The following NKAIN3 variants were observed in gnomAD, a reference collection of about 807,000 sequenced individuals.
The protein encoded by NKAIN3 is sodium/potassium transporting ATPase interacting 3, also known as sodium/potassium-transporting ATPase subunit beta-1-interacting protein 3.
Under a neutral mutation model 30.2 loss-of-function variants are expected in NKAIN3, and 25 were observed. That is an observed-to-expected ratio of 0.83 (90% CI 0.60 to 1.16). The LOEUF is 1.16. NKAIN3 is among the 50% of genes most tolerant of loss of function. NKAIN3 has a pLI of 0.00. For missense variants in NKAIN3, 225 were observed against 254.1 expected, an observed-to-expected ratio of 0.89 and a Z score of 0.78; for synonymous variants, 91 against 89.6, an observed-to-expected ratio of 1.02 and a Z score of -0.09.
intron 4 of NKAIN3, among the ~76,000 whole-genome samples, chr8:62,778,431 A>C (rs568468104): frequency 2.0e-5 from 3 of 152,094 alleles, no homozygotes; most frequent in African/African-American, 7.2e-5. Flanking sequence ...AGTTCTTACC[A>C]TTCTTCTCTC....
intron 5 of NKAIN3, among the ~76,000 whole-genome samples, chr8:62,933,158 C>A (rs1368814340): frequency 6.6e-6 from 1 of 152,096 alleles, no homozygotes; most frequent in African/African-American, 2.4e-5. Flanking sequence ...ATTCAGTTTT[C>A]TTTGAACAGC....
intron 1 of NKAIN3, among the ~76,000 whole-genome samples, chr8:62,316,060 C>T (rs1814614164): frequency 6.6e-6 from 1 of 152,074 alleles, no homozygotes; most frequent in Non-Finnish European, 1.5e-5. Context: ...GACTTTTCCC[C>T]CTTTTTCTGC....
chr8:62,686,718 T>G (rs1813810646), intron 3 of NKAIN3, among the ~76,000 whole-genome samples: 1 of 152,212 alleles, frequency 6.6e-6, no homozygotes, highest in Non-Finnish European at 1.5e-5. Flanking sequence ...AATTACATCT[T>G]ACTTCAAACT....
chr8:62,479,763 C>T (rs1017531535), intron 1 of NKAIN3, among the ~76,000 whole-genome samples: 4 of 152,042 alleles, frequency 2.6e-5, no homozygotes, highest in Non-Finnish European at 5.9e-5. Context: ...AATGTCCCAG[C>T]CCTCAGGGTC....
intron 5 of NKAIN3, among the ~76,000 whole-genome samples, chr8:62,995,747 A>G (rs1175440294): frequency 1.3e-5 from 2 of 152,260 alleles, no homozygotes; most frequent in Non-Finnish European, 2.9e-5. Flanking sequence ...CAAAACATCA[A>G]GTTGTTCACC....
At chr8:62,479,924 G>GA (rs950967533) in intron 1 of NKAIN3, among the ~76,000 whole-genome samples, 1 of 152,080 alleles carries the variant, frequency 6.6e-6, no homozygotes, top group African/African-American at 2.4e-5. Context: ...AAAAGAATAG[G>GA]AAAAAATGAG....
chr8:62,794,058 C>T (rs922472319), intron 4 of NKAIN3, among the ~76,000 whole-genome samples: 3 of 152,158 alleles, frequency 2.0e-5, no homozygotes, highest in African/African-American at 4.8e-5. Flanking sequence ...AAATAAAAGG[C>T]CTCTCTTACA....
intron 1 of NKAIN3, among the ~76,000 whole-genome samples, chr8:62,257,515 T>G (rs1812300475): frequency 6.6e-6 from 1 of 152,218 alleles, no homozygotes; most frequent in Non-Finnish European, 1.5e-5. Flanking sequence ...AATGCCTGAT[T>G]AATCTTCCTT....
chr8:62,388,726 C>T (rs1188993737), intron 1 of NKAIN3, among the ~76,000 whole-genome samples: 2 of 152,212 alleles, frequency 1.3e-5, no homozygotes, highest in Non-Finnish European at 2.9e-5. Context: ...TTTCTAATTA[C>T]TATGTCTTCA....
chr8:62,742,356 GT>G (rs1815931488), intron 3 of NKAIN3, among the ~76,000 whole-genome samples: 1 of 152,090 alleles, frequency 6.6e-6, no homozygotes, highest in Admixed American at 6.5e-5. Flanking sequence ...GTAATCTCAG[GT>G]AGTTAACTTT....
chr8:62,831,545 T>C (rs1819198034), intron 4 of NKAIN3, among the ~76,000 whole-genome samples: 1 of 152,158 alleles, frequency 6.6e-6, no homozygotes, highest in African/African-American at 2.4e-5. Context: ...ATCAGAGCTT[T>C]TGGAATTGAC....
At chr8:62,286,833 G>A (rs989197550) in intron 1 of NKAIN3, among the ~76,000 whole-genome samples, 13 of 152,008 alleles carry the variant, frequency 8.6e-5, no homozygotes, top group Admixed American at 6.6e-5. Flanking sequence ...AAATGGAAAT[G>A]TGTTAATGGC....
intron 1 of NKAIN3, among the ~76,000 whole-genome samples, chr8:62,456,460 A>T (rs1371131438): frequency 6.6e-5 from 10 of 151,950 alleles, no homozygotes; most frequent in Non-Finnish European, 1.5e-5. Context: ...CAGAGCTTGT[A>T]GTGAGCCGAG....
chr8:62,818,515 C>CT (rs977089695), intron 4 of NKAIN3, among the ~76,000 whole-genome samples: 2 of 151,868 alleles, frequency 1.3e-5, no homozygotes, highest in Non-Finnish European at 2.9e-5. Flanking sequence ...TCTATGCCAA[C>CT]TTTTTTTTCC....
chr8:62,765,248 AAAAAAAAAAAAAAAAAAAG>A (rs1816796512), intron 4 of NKAIN3, among the ~76,000 whole-genome samples: 1 of 83,430 alleles, frequency 1.2e-5, no homozygotes, highest in South Asian at 5.0e-4. Context: ...CTCCATCTCA[AAAAAAAAAAAAAAAAAAAG>A]AAAAGAAAAG....
chr8:62,854,729 C>G (rs186015782), intron 4 of NKAIN3, among the ~76,000 whole-genome samples: 47 of 152,266 alleles, frequency 3.1e-4, no homozygotes, highest in African/African-American at 1.1e-3. Flanking sequence ...TGGATTTGAT[C>G]CTGTCATCAT....
At chr8:62,990,858 C>T (rs1824306057) in intron 5 of NKAIN3, 1 of 151,898 alleles carries the variant, frequency 6.6e-6, no homozygotes, top group African/African-American at 2.4e-5. Context: ...TATAGTGCCA[C>T]AAAAAAATGA....
intron 1 of NKAIN3, among the ~76,000 whole-genome samples, chr8:62,567,551 A>G (rs74590488): frequency 2.3e-4 from 35 of 152,278 alleles, no homozygotes; most frequent in African/African-American, 8.2e-4. Flanking sequence ...AAAGGGCTCA[A>G]TGTAATTATA....
At chr8:62,887,997 A>C (rs1821196738) in intron 4 of NKAIN3, among the ~76,000 whole-genome samples, 1 of 152,168 alleles carries the variant, frequency 6.6e-6, no homozygotes, top group African/African-American at 2.4e-5. Flanking sequence ...AACATGATAA[A>C]TGTGCCTTTA....
Sources: gnomAD v4.1 joint callset for allele counts (sites outside exome capture counted in the v4.1 genomes callset) on GRCh38, gnomAD v4.1.1 for gene constraint, MANE v1.5 for transcripts, NCBI Gene and HGNC (gene_info 2026-07-23, HGNC 2026-07-21) for gene names.